Variants in CCDC192 observed in about 807,000 individuals in gnomAD.
The protein encoded by CCDC192 is coiled-coil domain containing 192.
intron 5 of CCDC192, among the ~76,000 whole-genome samples, chr5:127,803,738 A>C (rs923308657): frequency 3.3e-5 from 5 of 152,168 alleles, no homozygotes; most frequent in Non-Finnish European, 7.3e-5. Context: ...AGCCACCCAC[A>C]AGACCTGACC....
At chr5:127,893,549 T>C (rs1263441235) in intron 6 of CCDC192, among the ~76,000 whole-genome samples, 1 of 152,192 alleles carries the variant, frequency 6.6e-6, no homozygotes, top group East Asian at 1.9e-4. Flanking sequence ...GGAGGAGTTA[T>C]TACACTCTTC....
chr5:127,918,903 A>C (rs28525641), intron 6 of CCDC192, among the ~76,000 whole-genome samples: 3,350 of 150,116 alleles, frequency 0.022, 126 homozygotes, highest in African/African-American at 0.079. Flanking sequence ...GTGTATGTTT[A>C]TGTTTGCATA....
intron 5 of CCDC192, among the ~76,000 whole-genome samples, chr5:127,864,927 C>G (rs1173054529): frequency 1.3e-5 from 2 of 152,292 alleles, no homozygotes; most frequent in South Asian, 4.1e-4. Context: ...GTGGGCGGAT[C>G]ACGAGGTCAG....
intron 5 of CCDC192, among the ~76,000 whole-genome samples, chr5:127,873,755 G>C (rs770672173): frequency 9.9e-5 from 15 of 152,166 alleles, no homozygotes; most frequent in Non-Finnish European, 1.2e-4. Flanking sequence ...AAGTGGAAAA[G>C]GTCAATGGTT....
chr5:127,792,379 T>G (rs929855832), intron 3 of CCDC192, among the ~76,000 whole-genome samples: 24 of 152,182 alleles, frequency 1.6e-4, no homozygotes, highest in African/African-American at 5.3e-4. Flanking sequence ...GAGAACTCAC[T>G]CACTATCATG....
intron 2 of CCDC192, among the ~76,000 whole-genome samples, chr5:127,736,706 T>A (rs1753021505): frequency 6.6e-6 from 1 of 151,604 alleles, no homozygotes; most frequent in African/African-American, 2.4e-5. Flanking sequence ...GATTTTCTAG[T>A]TTATTTGCAT....
intron 2 of CCDC192, among the ~76,000 whole-genome samples, chr5:127,720,301 C>A (rs1043957819): frequency 6.6e-6 from 1 of 152,182 alleles, no homozygotes; most frequent in Non-Finnish European, 1.5e-5. Context: ...CCATGCAAGT[C>A]CAAAACTCAG....
chr5:127,703,775 A>T (rs1008073381), intron 1 of CCDC192, among the ~76,000 whole-genome samples: 7 of 151,618 alleles, frequency 4.6e-5, no homozygotes, highest in Non-Finnish European at 1.0e-4. Context: ...AAAATCACAC[A>T]CTCACCCACC....
chr5:127,874,917 A>G (rs1752008175), intron 5 of CCDC192, among the ~76,000 whole-genome samples: 1 of 152,202 alleles, frequency 6.6e-6, no homozygotes, highest in Non-Finnish European at 1.5e-5. Context: ...CAGTTCTCCC[A>G]AAGATTTCGA....
chr5:127,724,513 CA>C (rs1404031159), intron 2 of CCDC192, among the ~76,000 whole-genome samples: 2 of 152,010 alleles, frequency 1.3e-5, no homozygotes, highest in Non-Finnish European at 2.9e-5. Flanking sequence ...ATGTAATGCT[CA>C]AATCCAAATG....
chr5:127,792,089 A>G (rs902651889), intron 3 of CCDC192, among the ~76,000 whole-genome samples: 2 of 152,190 alleles, frequency 1.3e-5, no homozygotes, highest in Non-Finnish European at 2.9e-5. Flanking sequence ...AGTTTGGTGG[A>G]TTGCTTGAGC....
At chr5:127,891,229 T>A (rs1466346309) in intron 6 of CCDC192, among the ~76,000 whole-genome samples, 1 of 53,674 alleles carries the variant, frequency 1.9e-5, no homozygotes. Context: ...ATTTTTGTAT[T>A]TTTTAGTAGA....
chr5:127,880,970 AT>A (rs1752329271), intron 6 of CCDC192, among the ~76,000 whole-genome samples: 1 of 152,196 alleles, frequency 6.6e-6, no homozygotes, highest in Non-Finnish European at 1.5e-5. Context: ...ACAGAGTGAG[AT>A]TCGAGCTCAA....
chr5:127,891,588 C>T (rs1752734022), intron 6 of CCDC192, among the ~76,000 whole-genome samples: 1 of 152,222 alleles, frequency 6.6e-6, no homozygotes, highest in African/African-American at 2.4e-5. Context: ...TGCCTCATCT[C>T]ATGCATGCAT....
Position 127,719,468 on chromosome 5 carries a change from G to C in CCDC192, c.114+11708G>C, listed in dbSNP as rs200452604. Among the ~76,000 whole-genome samples, 409 of 102,882 alleles carry C rather than the reference G, an allele frequency of 4.0e-3. 25 individuals are homozygous for C. Among genetic ancestry groups the C allele is most frequent in the African/African-American group, 0.016 (388 of 23,720 alleles). 67.5% of individuals were successfully genotyped at this position (102,882 alleles called of 152,430 possible). A position where few individuals can be genotyped will look rare whatever the true frequency, so the allele number is the denominator to read the frequency against. On this transcript the variant is annotated intron_variant, in intron 2 of 6. Transcript: ENST00000514853. The stretch of plus-strand genomic sequence containing the variant: ...ATATATATACATACATATATATACA[G>C]ACACATACATATATATATATATATA...
chr5:127,812,242 A>G (rs1282536233), intron 5 of CCDC192, among the ~76,000 whole-genome samples: 1 of 152,260 alleles, frequency 6.6e-6, no homozygotes, highest in Non-Finnish European at 1.5e-5. Context: ...CAAAACCAGC[A>G]TACATTTCCA....
intron 5 of CCDC192, among the ~76,000 whole-genome samples, chr5:127,860,294 T>C (rs1472970214): frequency 6.6e-6 from 1 of 152,252 alleles, no homozygotes; most frequent in Non-Finnish European, 1.5e-5. Flanking sequence ...GTTTGTTGAA[T>C]AGAACTAAAT....
chr5:127,893,003 G>A (rs768210480), intron 6 of CCDC192, among the ~76,000 whole-genome samples: 1 of 152,118 alleles, frequency 6.6e-6, no homozygotes, highest in Non-Finnish European at 1.5e-5. Flanking sequence ...AGCCAGGATC[G>A]GAGATATCTG....
intron 3 of CCDC192, among the ~76,000 whole-genome samples, chr5:127,770,441 GAA>G (rs1755483519): frequency 1.3e-5 from 2 of 152,224 alleles, no homozygotes; most frequent in Non-Finnish European, 2.9e-5. Context: ...TCAGAGGTCA[GAA>G]ACAGTCAAAT....
Sources: gnomAD v4.1 joint callset for allele counts (sites outside exome capture counted in the v4.1 genomes callset) on GRCh38, gnomAD v4.1.1 for gene constraint, MANE v1.5 for transcripts, NCBI Gene and HGNC (gene_info 2026-07-23, HGNC 2026-07-21) for gene names.